Variants in CNTNAP2 observed in about 807,000 individuals in gnomAD.
CNTNAP2 encodes the protein contactin associated protein 2.
In CNTNAP2, 98 loss-of-function variants were observed where a neutral mutation model predicts 155.2. That is an observed-to-expected ratio of 0.63 (90% CI 0.54 to 0.75). CNTNAP2 has a LOEUF of 0.75. CNTNAP2 is among the 30% of genes least tolerant of loss of function. The pLI, the probability that CNTNAP2 is intolerant of heterozygous loss-of-function variation, is 0.00. For synonymous variants in CNTNAP2, 651 were observed against 631.2 expected (o/e 1.03, Z -0.47); for missense variants, 1,727 against 1,688.1 (o/e 1.02, Z -0.40).
intron 1 of CNTNAP2, among the ~76,000 whole-genome samples, chr7:146,695,878 G>T (rs1265166898): frequency 6.6e-6 from 1 of 152,168 alleles, no homozygotes; most frequent in Admixed American, 6.5e-5. Context: ...ACCAACCATT[G>T]TATCTGGAAT....
At chr7:147,086,312 TAC>T (rs1342299100) in intron 4 of CNTNAP2, among the ~76,000 whole-genome samples, 1 of 152,126 alleles carries the variant, frequency 6.6e-6, no homozygotes, top group Admixed American at 6.6e-5. Context: ...AGAAAATAGA[TAC>T]AGAGAAGCAA....
chr7:147,570,759 T>C (rs1338103362), intron 12 of CNTNAP2, among the ~76,000 whole-genome samples: 2 of 152,214 alleles, frequency 1.3e-5, no homozygotes, highest in East Asian at 3.9e-4. Flanking sequence ...TAGTAAATAA[T>C]AAAGCTTGAC....
chr7:147,696,927 C>T (rs568596901), intron 13 of CNTNAP2, among the ~76,000 whole-genome samples: 1 of 151,904 alleles, frequency 6.6e-6, no homozygotes, highest in East Asian at 1.9e-4. Flanking sequence ...AAAATTTTTT[C>T]TTTATCTGAT....
intron 12 of CNTNAP2, among the ~76,000 whole-genome samples, chr7:147,601,949 A>G (rs977011529): frequency 6.6e-6 from 1 of 151,962 alleles, no homozygotes; most frequent in Admixed American, 6.6e-5. Context: ...GGTGTTTCCT[A>G]CAGTCTTGTT....
intron 1 of CNTNAP2, among the ~76,000 whole-genome samples, chr7:146,215,319 T>C (rs1028399524): frequency 4.6e-5 from 7 of 152,172 alleles, no homozygotes; most frequent in African/African-American, 1.7e-4. Context: ...CAATCATAAA[T>C]CTACTAAAGG....
intron 3 of CNTNAP2, among the ~76,000 whole-genome samples, chr7:146,993,563 A>C (rs915970802): frequency 2.6e-5 from 4 of 152,058 alleles, no homozygotes; most frequent in East Asian, 1.9e-4. Context: ...GGCAGTTAAC[A>C]ACCACCTGCC....
chr7:146,161,643 A>T (rs1360027015), intron 1 of CNTNAP2, among the ~76,000 whole-genome samples: 1 of 152,224 alleles, frequency 6.6e-6, no homozygotes, highest in Non-Finnish European at 1.5e-5. Flanking sequence ...GCCTTTCTTC[A>T]CAGAATTGGA....
rs139744457 is a variant in CNTNAP2, at chr7:147,783,094, C to T, written c.2099-120471C>T. Among the ~76,000 whole-genome samples, 39 of 152,172 alleles carry T rather than the reference C, an allele frequency of 2.6e-4. 2 individuals are homozygous for T. The East Asian group carries it at 6.9e-3, about 27-fold the overall frequency. On this transcript the variant is annotated intron_variant, in intron 13 of 23. Coordinates refer to ENST00000361727, the MANE Select transcript of CNTNAP2 (RefSeq NM_014141.6). ...AGCAAGCCTTTTTCAAATGAAATAA[C>T]GTAGTTTTCACTTAAACAATCCCTA...
At chr7:146,935,989 C>T (rs1305326477) in intron 3 of CNTNAP2, among the ~76,000 whole-genome samples, 2 of 152,120 alleles carry the variant, frequency 1.3e-5, no homozygotes, top group Admixed American at 1.3e-4. Context: ...ATTCAGACAT[C>T]TCCAGAATGT....
intron 1 of CNTNAP2, among the ~76,000 whole-genome samples, chr7:146,339,935 C>A (rs1801346898): frequency 6.6e-6 from 1 of 152,056 alleles, no homozygotes; most frequent in Non-Finnish European, 1.5e-5. Flanking sequence ...CTTTGGGAGG[C>A]CGAGGCGGGC....
At chr7:147,575,192 G>C in intron 12 of CNTNAP2, among the ~76,000 whole-genome samples, 1 of 35,828 alleles carries the variant, frequency 2.8e-5, no homozygotes, top group African/African-American at 1.3e-4. Flanking sequence ...GTATGTGTGT[G>C]TGTGTGTGTG....
intron 1 of CNTNAP2, among the ~76,000 whole-genome samples, chr7:146,598,512 C>T (rs541922399): frequency 2.6e-5 from 4 of 152,194 alleles, no homozygotes; most frequent in Admixed American, 2.0e-4. Context: ...TATGTCTTGT[C>T]AGTGTTACCA....
rs1341643025 is a variant in CNTNAP2, at chr7:148,156,430, T to C, written c.2773+8721T>C. ...AGCCGTGTGCTGTCCTGCTTATTTT[T>C]CCTACCAAGCTGGCCATCACTTAGT... On this transcript the variant is annotated intron_variant, in intron 17 of 23. Coordinates refer to ENST00000361727, the MANE Select transcript of CNTNAP2 (RefSeq NM_014141.6). Among the ~76,000 whole-genome samples, 5 of 152,186 alleles carry C rather than the reference T, an allele frequency of 3.3e-5. No individual in the cohort carries two copies. In the East Asian group the frequency reaches 9.7e-4, roughly 30 times the overall value.
chr7:148,010,811 G>T (rs777594508), intron 15 of CNTNAP2, among the ~76,000 whole-genome samples: 4 of 151,954 alleles, frequency 2.6e-5, no homozygotes, highest in Admixed American at 1.3e-4. Context: ...TTTTATACAT[G>T]CAAGGGTCTC....
At chr7:148,297,165 A>AAAGGAAGGAAGGATGG (rs1797300265) in intron 21 of CNTNAP2, among the ~76,000 whole-genome samples, 1 of 128,832 alleles carries the variant, frequency 7.8e-6, no homozygotes, top group Non-Finnish European at 1.6e-5. Context: ...GAGATAGAGA[A>AAAGGAAGGAAGGATGG]AAGGAAGGAA....
At chr7:148,256,888 ATTAG>A (rs1229587244) in intron 20 of CNTNAP2, among the ~76,000 whole-genome samples, 2 of 151,774 alleles carry the variant, frequency 1.3e-5, no homozygotes, top group Non-Finnish European at 2.9e-5. Flanking sequence ...TAATTAATAC[ATTAG>A]TTAATTAATT....
At chr7:147,263,825 T>C (rs1804547037) in intron 8 of CNTNAP2, among the ~76,000 whole-genome samples, 1 of 152,206 alleles carries the variant, frequency 6.6e-6, no homozygotes, top group Non-Finnish European at 1.5e-5. Flanking sequence ...TCCATCTCCC[T>C]AAATAATTAA....
At chr7:147,522,889 G>A (rs928790785) in intron 11 of CNTNAP2, among the ~76,000 whole-genome samples, 23 of 151,548 alleles carry the variant, frequency 1.5e-4, no homozygotes, top group Admixed American at 1.5e-3. Context: ...TATTTGAAAT[G>A]TATTATTTCT....
chr7:147,449,131 T>G (rs1246621242), intron 10 of CNTNAP2, among the ~76,000 whole-genome samples: 1 of 151,944 alleles, frequency 6.6e-6, no homozygotes, highest in Non-Finnish European at 1.5e-5. Flanking sequence ...AAAACACTCA[T>G]ATACCTATTG....
Sources: gnomAD v4.1 joint callset for allele counts (sites outside exome capture counted in the v4.1 genomes callset) on GRCh38, gnomAD v4.1.1 for gene constraint, MANE v1.5 for transcripts, NCBI Gene and HGNC (gene_info 2026-07-23, HGNC 2026-07-21) for gene names.